The following GID4 variants were observed in gnomAD, a reference collection of about 807,000 sequenced individuals.
The protein encoded by GID4 is GID complex subunit 4 homolog, also known as glucose-induced degradation protein 4 homolog.
In GID4, 7 loss-of-function variants were observed where a neutral mutation model predicts 32.4. The observed-to-expected ratio is 0.22, with a 90% CI of 0.12 to 0.41. The LOEUF is 0.41. Ranked by LOEUF, GID4 falls within the 10% of genes least tolerant of loss-of-function variation. The pLI is 1.00. For missense variants in GID4, 309 were observed against 400.0 expected (o/e 0.77, Z 1.94); for synonymous variants, 166 against 170.0 (o/e 0.98, Z 0.18).
chr17:18,049,658 A>C (rs1215387305), intron 2 of GID4, among the ~76,000 whole-genome samples: 9 of 149,072 alleles, frequency 6.0e-5, no homozygotes, highest in Admixed American at 2.0e-4. Flanking sequence ...TTTTTTTTTG[A>C]GATGAAGTCT....
chr17:18,056,510 A>C (rs1317259835), intron 3 of GID4, among the ~76,000 whole-genome samples: 1 of 152,162 alleles, frequency 6.6e-6, no homozygotes, highest in Non-Finnish European at 1.5e-5. Context: ...CCTCTCCTGT[A>C]CAGTCCCAGA....
intron 5 of GID4, 110 bp downstream of exon 5, chr17:18,062,085 T>C: frequency 9.3e-7 from 1 of 1,071,398 alleles, no homozygotes; most frequent in Non-Finnish European, 1.4e-6. Flanking sequence ...GTATAGATTC[T>C]GTGCTTTATT....
At chr17:18,044,126 G>A (rs943000791) in intron 1 of GID4, among the ~76,000 whole-genome samples, 1 of 152,158 alleles carries the variant, frequency 6.6e-6, no homozygotes, top group Non-Finnish European at 1.5e-5. Context: ...TGCGGATACT[G>A]TCACCACTAG....
intron 4 of GID4, among the ~76,000 whole-genome samples, chr17:18,059,381 C>T (rs913393804): frequency 2.0e-5 from 3 of 152,298 alleles, no homozygotes; most frequent in Non-Finnish European, 4.4e-5. Context: ...GATCCCTCTA[C>T]AGGCTTAAAC....
At position 18,067,340 on chromosome 17, in the gene GID4, G is replaced by A. The variant is rs2045074305; in HGVS notation, c.*2097G>A. On this transcript the variant is annotated 3_prime_UTR_variant, in exon 6 of 6. Transcript: ENST00000268719. ...GCTCATGCTGTGGCTCCGAGTAGTG[G>A]TTTGAGTGGGCAGGAAGGGCCATTT... is the stretch of plus-strand genomic sequence containing the variant. The A allele has an allele frequency of 6.6e-6, 1 of 152,258 alleles. No individual in the cohort carries two copies. Among genetic ancestry groups the A allele is most frequent in the Non-Finnish European group, 1.5e-5 (1 of 68,078 alleles). The allele number at this position is 152,258 out of a possible 1,614,324, so 9.4% of individuals were successfully genotyped here. A position where few individuals can be genotyped will look rare whatever the true frequency, so the allele number is the denominator to read the frequency against.
At chr17:18,043,830 T>C (rs1442513391) in intron 1 of GID4, among the ~76,000 whole-genome samples, 1 of 152,230 alleles carries the variant, frequency 6.6e-6, no homozygotes, top group Non-Finnish European at 1.5e-5. Context: ...AAAATCTCAG[T>C]GTACCACAGG....
intron 5 of GID4, among the ~76,000 whole-genome samples, chr17:18,063,411 A>G (rs755924183): frequency 1.3e-5 from 2 of 151,896 alleles, no homozygotes; most frequent in Non-Finnish European, 1.5e-5. Flanking sequence ...CTGCATCTCA[A>G]AAAAAAAGTG....
Position 18,039,988 on chromosome 17 carries a change from G to A in GID4, c.438+86G>A, listed in dbSNP as rs569198470. ...GCTTCGGCTCCTCGACCCCGCAGCC[G>A]CGGAACAGGCCCTCGCCGCCGGGGC... On this transcript the variant is annotated intron_variant, in intron 1 of 5. Transcript: ENST00000268719. The surrounding 1 kb of genome is among the most constrained non-coding windows in gnomAD (Gnocchi z 5.3). 7 of 1,266,348 alleles carry A rather than the reference G, an allele frequency of 5.5e-6. No homozygotes were observed. Among genetic ancestry groups the A allele is most frequent in the Non-Finnish European group, 7.0e-6 (7 of 1,002,852 alleles). The allele number at this position is 1,266,348 out of a possible 1,614,324, so 78.4% of individuals were successfully genotyped here.
At chr17:18,049,873 G>C (rs999365782) in intron 2 of GID4, among the ~76,000 whole-genome samples, 8 of 152,014 alleles carry the variant, frequency 5.3e-5, no homozygotes, top group Admixed American at 5.2e-4. Context: ...CAGGTGATTT[G>C]CCTGCCTCAG....
intron 2 of GID4, among the ~76,000 whole-genome samples, chr17:18,049,655 T>G (rs916927677): frequency 1.3e-5 from 2 of 152,144 alleles, no homozygotes; most frequent in African/African-American, 4.8e-5. Context: ...CTTTTTTTTT[T>G]TGAGATGAAG....
chr17:18,056,621 G>A (rs1289589517), intron 3 of GID4: 25 of 1,388,052 alleles, frequency 1.8e-5, no homozygotes, highest in Non-Finnish European at 2.2e-5. Context: ...TTGAGGCCCA[G>A]TGACACTCAG....
rs2045018066 is a variant in GID4, at chr17:18,061,584, C to A, written c.709-261C>A. Among the ~76,000 whole-genome samples, 2 of 152,112 alleles carry A rather than the reference C, an allele frequency of 1.3e-5. No individual in the cohort carries two copies. Among genetic ancestry groups the A allele is most frequent in the South Asian group, 4.1e-4 (2 of 4,826 alleles). On this transcript the variant is annotated intron_variant, in intron 4 of 5. Coordinates refer to ENST00000268719, the MANE Select transcript of GID4 (RefSeq NM_024052.5). This position sits in a 1 kb window ranked among gnomAD's most constrained non-coding sequence, Gnocchi z 4.4. ...TATATTAGATGTTTCGGCCATGGTA[C>A]CTTCTCTGAATTGCTGATCCTAGTG... is the stretch of plus-strand genomic sequence containing the variant.
chr17:18,046,517 AGTATC>A (rs1178307875), intron 2 of GID4, among the ~76,000 whole-genome samples: 3 of 152,058 alleles, frequency 2.0e-5, no homozygotes, highest in African/African-American at 7.3e-5. Flanking sequence ...CTGAGGCTGG[AGTATC>A]GCTTGAGGCT....
chr17:18,058,077 C>A (rs1411779394), intron 3 of GID4, among the ~76,000 whole-genome samples: 3 of 152,196 alleles, frequency 2.0e-5, no homozygotes, highest in African/African-American at 4.8e-5. Context: ...TTGTGATCTG[C>A]CTGCCTTGGC....
Position 18,039,830 on chromosome 17 carries a change from C to T in GID4, c.366C>T (p.Leu122=), listed in dbSNP as rs374149732. ...AGCCCGGCGTGGCCACCAGCCTGCTCTACAGCGGCTCCAAGTTCCGCGGCC... is the reference window on the plus strand; with the variant it reads ...AGCCCGGCGTGGCCACCAGCCTGCTTTACAGCGGCTCCAAGTTCCGCGGCC... The part of the protein sequence containing the change: ...TQQPGVATSL[L]YSGSKFRGHQ... The change falls in exon 1 of 6, where the codon CTC becomes CTT. Residue 122 remains leucine, a synonymous_variant. Coordinates refer to ENST00000268719, the MANE Select transcript of GID4 (RefSeq NM_024052.5). The surrounding 1 kb of genome is among the most constrained non-coding windows in gnomAD (Gnocchi z 5.3). 117 of 1,558,056 alleles carry T rather than the reference C, an allele frequency of 7.5e-5. No individual in the cohort carries two copies. The highest frequency in any genetic ancestry group is 9.8e-5 in the Non-Finnish European group (113 of 1,151,646).
chr17:18,061,639 T>A lies in GID4; in HGVS notation c.709-206T>A, dbSNP rs1292816276. On this transcript the variant is annotated intron_variant, in intron 4 of 5. Transcript: ENST00000268719. The surrounding 1 kb of genome is among the most constrained non-coding windows in gnomAD (Gnocchi z 4.4). ...CAAGACACAGTTTGTCACTTTAGTATATAGAATACTCCAGGAGCACATGGA... is the reference window on the plus strand; with the variant it reads ...CAAGACACAGTTTGTCACTTTAGTAAATAGAATACTCCAGGAGCACATGGA... Among the ~76,000 whole-genome samples, 1 of 152,148 alleles carries A rather than the reference T, an allele frequency of 6.6e-6. No homozygotes were observed. Among genetic ancestry groups the A allele is most frequent in the East Asian group, 1.9e-4 (1 of 5,200 alleles).
intron 2 of GID4, among the ~76,000 whole-genome samples, chr17:18,049,686 T>C (rs2044891481): frequency 6.6e-6 from 1 of 152,062 alleles, no homozygotes; most frequent in African/African-American, 2.4e-5. Flanking sequence ...TTGCCCAGGC[T>C]TGAGTGCAGT....
Position 18,065,364 on chromosome 17 carries a change from C to T in GID4, c.*121C>T, listed in dbSNP as rs1301733459. 2.7e-6 allele frequency: 2 copies of T among 744,876 alleles called. No individual in the cohort carries two copies. The highest frequency in any genetic ancestry group is 4.7e-6 in the Non-Finnish European group (2 of 426,486). The allele number at this position is 744,876 out of a possible 1,614,324, so 46.1% of individuals were successfully genotyped here. On this transcript the variant is annotated 3_prime_UTR_variant, in exon 6 of 6. Transcript: ENST00000268719. ...TCCTGTTTCTTCACGAGCAGACTCGCATCACAAAGCATGAATGTTAACCCA... is the reference window on the plus strand; with the variant it reads ...TCCTGTTTCTTCACGAGCAGACTCGTATCACAAAGCATGAATGTTAACCCA...
At chr17:18,055,166 G>A (rs1361612987) in intron 3 of GID4, among the ~76,000 whole-genome samples, 3 of 137,634 alleles carry the variant, frequency 2.2e-5, no homozygotes, top group Non-Finnish European at 4.6e-5. Flanking sequence ...GTGAGACTCC[G>A]TCTCAAAAAA....
Sources: gnomAD v4.1 joint callset for allele counts (sites outside exome capture counted in the v4.1 genomes callset) on GRCh38, gnomAD v4.1.1 for gene constraint, Gnocchi (gnomAD v3.1) non-coding constraint, MANE v1.5 for transcripts, NCBI Gene and HGNC (gene_info 2026-07-23, HGNC 2026-07-21) for gene names.